Variants in MEIOB observed in about 807,000 individuals in gnomAD.
MEIOB encodes the protein meiosis-specific with OB domain-containing protein.
Under a neutral mutation model 53.1 loss-of-function variants are expected in MEIOB, and 50 were observed. That is an observed-to-expected ratio of 0.94 (90% CI 0.75 to 1.19). MEIOB has a LOEUF of 1.19. Among genes scored for constraint, MEIOB ranks in the 50% most tolerant of loss-of-function variants. The pLI, the probability that MEIOB is intolerant of heterozygous loss-of-function variation, is 0.00. For synonymous variants in MEIOB, 192 were observed against 182.5 expected, an observed-to-expected ratio of 1.05 and a Z score of -0.42; for missense variants, 551 against 550.8, an observed-to-expected ratio of 1.00 and a Z score of 0.00.
chr16:1,837,201 T>G (rs1489879420), intron 13 of MEIOB, among the ~76,000 whole-genome samples: 1 of 116,626 alleles, frequency 8.6e-6, no homozygotes, highest in African/African-American at 3.0e-5. Context: ...GTTAGCAAAT[T>G]TAATTAACCT....
chr16:1,839,416 T>G lies in MEIOB; in HGVS notation c.1057A>C (p.Asn353His), dbSNP rs1898839386. Residue 353 changes from asparagine to histidine, a missense_variant, in exon 12 of 14, where the codon AAT (asparagine) becomes CAT (histidine). By Grantham distance (68) the Asn-to-His change is moderately conservative. Transcript: ENST00000325962. ...NRCSSCGYIV[N>H]EASNMCTTCN... is the part of the protein sequence containing the mutation. Reference sequence around the variant, plus strand: ...GTTGTGCACATGTTAGATGCTTCATTTACAATATAACCACAGCTGGAACTG... The same window carrying G: ...GTTGTGCACATGTTAGATGCTTCATGTACAATATAACCACAGCTGGAACTG... 6.2e-7 allele frequency: 1 copy of G among 1,612,680 alleles called. No homozygotes were observed. The highest frequency in any genetic ancestry group is 1.1e-5 in the South Asian group (1 of 90,694).
chr16:1,841,987 GAAGT>G lies in MEIOB; in HGVS notation c.881-18_881-15del. On this transcript the variant is annotated splice_polypyrimidine_tract_variant and intron_variant, in intron 10 of 13. Coordinates refer to ENST00000325962, the MANE Select transcript of MEIOB (RefSeq NM_001163560.3). ...CTATTGTACTTACTAAAAACAGAAA[GAAGT>G]ATTACAGTTCTGTATATATTCTAAA... The G allele has an allele frequency of 1.3e-6, 2 of 1,516,338 alleles. No homozygotes were observed. Among genetic ancestry groups the G allele is most frequent in the Non-Finnish European group, 1.8e-6 (2 of 1,125,278 alleles). 93.9% of individuals were successfully genotyped at this position (1,516,338 alleles called of 1,614,324 possible).
chr16:1,834,350 C>T lies in MEIOB; in HGVS notation c.1322G>A (p.Arg441Lys). Residue 441 changes from arginine (R) to lysine (K), a missense_variant, in exon 14 of 14, where the codon AGA becomes AAA. Transcript: ENST00000325962. Reference sequence around the variant, plus strand: ...ACTAATTTTCAATCCACTCCTTGCTCTGTGTGATAGAACGAACTGCGAGGA... The same window carrying T: ...ACTAATTTTCAATCCACTCCTTGCTTTGTGTGATAGAACGAACTGCGAGGA... ...KIYLKFVLSHRARSGLKISVL... is the reference protein window; with the variant it reads ...KIYLKFVLSHKARSGLKISVL... 2 of 1,605,892 alleles carry T rather than the reference C, an allele frequency of 1.2e-6. No individual in the cohort carries two copies. Among genetic ancestry groups the T allele is most frequent in the Admixed American group, 1.7e-5 (1 of 59,836 alleles).
Position 1,839,364 on chromosome 16 carries a change from T to A in MEIOB, c.1109A>T (p.Lys370Ile), listed in dbSNP as rs1898837125. ...CACATGGAAACTGAGAAAGACAGAT[T>A]TAAAGTCCAAGGAGTTTTTGTTGCA... Reference protein sequence around the residue: ...TTCNKNSLDFKSVFLSFHVLI... With the variant: ...TTCNKNSLDFISVFLSFHVLI... The change falls in exon 12 of 14, where the codon AAA becomes ATA. Residue 370 changes from lysine to isoleucine, a missense_variant. Coordinates refer to ENST00000325962, the MANE Select transcript of MEIOB (RefSeq NM_001163560.3). 1 of 1,614,058 alleles carries A rather than the reference T, an allele frequency of 6.2e-7. No individual in the cohort carries two copies. Among genetic ancestry groups the A allele is most frequent in the Admixed American group, 1.7e-5 (1 of 60,000 alleles).
At position 1,841,966 on chromosome 16, in the gene MEIOB, T is replaced by C. The variant is rs1301172601; in HGVS notation, c.888A>G (p.Thr296=). 1.3e-6 allele frequency: 2 copies of C among 1,561,712 alleles called. No homozygotes were observed. ...SYFKESINLS[T]IVDVYTVEQL... ...GTTCAACTGTGTAGACATCAACTAT[T>C]GTACTTACTAAAAACAGAAAGAAGT... Residue 296 remains threonine (T), a synonymous_variant, in exon 11 of 14, where the codon ACA becomes ACG. Coordinates refer to ENST00000325962, the MANE Select transcript of MEIOB (RefSeq NM_001163560.3).
At chr16:1,868,729 C>A (rs896608231) in intron 1 of MEIOB, among the ~76,000 whole-genome samples, 2 of 151,670 alleles carry the variant, frequency 1.3e-5, no homozygotes, top group African/African-American at 4.8e-5. Context: ...GTGGCAGGCA[C>A]CTGTAGGCCC....
rs1899340040 is a variant in MEIOB at position 1,857,676 on chromosome 16, T to A, written c.528+59A>T. Reference sequence around the variant, plus strand: ...GTGACCACTCCATCCCAAACACAGATCAAGTGACTGCACCTCCCCTGCCAG... The same window carrying A: ...GTGACCACTCCATCCCAAACACAGAACAAGTGACTGCACCTCCCCTGCCAG... On this transcript the variant is annotated intron_variant, in intron 6 of 13. Coordinates refer to ENST00000325962, the MANE Select transcript of MEIOB (RefSeq NM_001163560.3). 2.2e-6 allele frequency: 3 copies of A among 1,363,954 alleles called. No individual in the cohort carries two copies. In the African/African-American group the frequency reaches 4.4e-5, roughly 20 times the overall value. 84.5% of individuals were successfully genotyped at this position (1,363,954 alleles called of 1,614,324 possible).
intron 3 of MEIOB, among the ~76,000 whole-genome samples, chr16:1,864,489 T>TTTTC (rs1899534376): frequency 7.1e-6 from 1 of 140,900 alleles, no homozygotes; most frequent in African/African-American, 2.6e-5. Context: ...TTTCTTTTCT[T>TTTTC]TTTTTTTTTT....
intron 1 of MEIOB, 127 bp from the exon 2 acceptor site, chr16:1,868,311 C>T (rs1899645596): frequency 2.1e-6 from 1 of 471,186 alleles, no homozygotes; most frequent in Non-Finnish European, 3.9e-6. Flanking sequence ...AATCCCAGCA[C>T]TTTGGGAGGC....
chr16:1,852,992 T>C, intron 9 of MEIOB, 47 bp downstream of exon 9: 1 of 1,087,792 alleles, frequency 9.2e-7, no homozygotes, highest in South Asian at 1.3e-5. Context: ...TATTGAAATG[T>C]GTTCAGTCAT....
intron 9 of MEIOB, among the ~76,000 whole-genome samples, chr16:1,852,035 T>C (rs1288822871): frequency 6.6e-6 from 1 of 152,134 alleles, no homozygotes; most frequent in Non-Finnish European, 1.5e-5. Flanking sequence ...CTCCAGGGGA[T>C]CATCTGGGCA....
chr16:1,867,791 TA>T (rs1229208533), intron 2 of MEIOB, among the ~76,000 whole-genome samples: 2 of 152,140 alleles, frequency 1.3e-5, no homozygotes, highest in Non-Finnish European at 2.9e-5. Context: ...TTTACAATGC[TA>T]AATTTGAGCA....
In MEIOB at chr16:1,857,911, T is replaced by G. The variant is rs1899349123; in HGVS notation, c.352A>C (p.Ser118Arg). ...ACTTTTACTGTTGAGTGATTCTCAC[T>G]GAGCAACAGTTTACAGTTGCTAAAT... is the stretch of plus-strand genomic sequence containing the variant. ...ATPSNCKLLL[S>R]ENHSTVKVCS... Residue 118 changes from serine (S) to arginine (R), a missense_variant, in exon 6 of 14, where the codon AGT (serine) becomes CGT (arginine). Ser to Arg is a moderately radical substitution (Grantham distance 110). Transcript: ENST00000325962. The G allele has an allele frequency of 6.5e-7, 1 of 1,546,992 alleles. No homozygotes were observed. Among genetic ancestry groups the G allele is most frequent in the Non-Finnish European group, 8.7e-7 (1 of 1,144,408 alleles).
At chr16:1,846,198 T>C (rs528000094) in intron 9 of MEIOB, among the ~76,000 whole-genome samples, 1 of 152,318 alleles carries the variant, frequency 6.6e-6, no homozygotes, top group African/African-American at 2.4e-5. Context: ...CTTGGAGAGA[T>C]ATGCATCATG....
chr16:1,838,560 A>G (rs1233302376), intron 12 of MEIOB, among the ~76,000 whole-genome samples: 1 of 152,206 alleles, frequency 6.6e-6, no homozygotes, highest in Non-Finnish European at 1.5e-5. Flanking sequence ...AGCTGACTTT[A>G]TGTAACTGAG....
chr16:1,863,345 C>T (rs1472892124), intron 3 of MEIOB, among the ~76,000 whole-genome samples: 1 of 79,928 alleles, frequency 1.3e-5, no homozygotes, highest in Non-Finnish European at 2.7e-5. Context: ...CCATGCCAGG[C>T]TAATTTTTGT....
At chr16:1,853,361 C>T (rs1899218828) in intron 7 of MEIOB, 90 bp from the exon 8 acceptor site, 6 of 1,098,810 alleles carry the variant, frequency 5.5e-6, no homozygotes, top group Non-Finnish European at 8.0e-6. Flanking sequence ...AAGAAAGCTT[C>T]AGTGGCTGGG....
At position 1,853,113 on chromosome 16, in the gene MEIOB, C is replaced by T. The variant is rs879105371; in HGVS notation, c.704G>A (p.Arg235Lys). Residue 235 changes from arginine (R) to lysine (K), a missense_variant, in exon 9 of 14, where the codon AGA (arginine) becomes AAA (lysine). Coordinates refer to ENST00000325962, the MANE Select transcript of MEIOB (RefSeq NM_001163560.3). ...RETVIFASDV[R>K]INFDKFRNCM... is the part of the protein sequence containing the mutation. ...GTTCCGAAATTTGTCAAAATTTATTCTTACATCTGAGGCAAATATTACTGT... is the reference window on the plus strand; with the variant it reads ...GTTCCGAAATTTGTCAAAATTTATTTTTACATCTGAGGCAAATATTACTGT... The T allele has an allele frequency of 6.2e-7, 1 of 1,612,142 alleles. No homozygotes were observed. Among genetic ancestry groups the T allele is most frequent in the Non-Finnish European group, 8.5e-7 (1 of 1,178,714 alleles).
intron 5 of MEIOB, among the ~76,000 whole-genome samples, chr16:1,859,740 C>A (rs1361592268): frequency 1.3e-5 from 2 of 152,008 alleles, no homozygotes; most frequent in African/African-American, 4.8e-5. Flanking sequence ...GACTGCTGTG[C>A]CCACCAAGAG....
Sources: allele counts gnomAD v4.1 joint callset (sites outside exome capture counted in the v4.1 genomes callset), GRCh38; gene constraint gnomAD v4.1.1; transcripts MANE v1.5; gene names NCBI Gene and HGNC (gene_info 2026-07-23, HGNC 2026-07-21).